Variants in POU2F1 observed in about 807,000 individuals in gnomAD.
POU2F1 encodes the protein POU domain, class 2, transcription factor 1.
POU2F1 carries 16 observed loss-of-function variants against 84.9 expected under a neutral mutation model. The ratio of observed to expected loss-of-function variants is 0.19; its 90% CI spans 0.13 to 0.29. The LOEUF is 0.29. POU2F1 is among the 10% of genes least tolerant of loss of function. POU2F1 has a pLI of 1.00. For missense variants in POU2F1, 738 were observed against 942.6 expected, an observed-to-expected ratio of 0.78 and a Z score of 2.84; for synonymous variants, 368 against 368.3, an observed-to-expected ratio of 1.00 and a Z score of 0.01.
chr1:167,309,615 A>G (rs1655320802), intron 1 of POU2F1, among the ~76,000 whole-genome samples: 1 of 152,170 alleles, frequency 6.6e-6, no homozygotes, highest in Non-Finnish European at 1.5e-5. Flanking sequence ...AAATTGGACA[A>G]ATTTGCTTCT....
intron 1 of POU2F1, among the ~76,000 whole-genome samples, chr1:167,265,724 A>C (rs1445943494): frequency 6.7e-6 from 1 of 149,378 alleles, no homozygotes; most frequent in Non-Finnish European, 1.5e-5. Context: ...CAATGACTGG[A>C]GACATTTTTG....
At chr1:167,309,572 AAAAG>A (rs948568191) in intron 1 of POU2F1, among the ~76,000 whole-genome samples, 3 of 152,310 alleles carry the variant, frequency 2.0e-5, no homozygotes, top group Non-Finnish European at 2.9e-5. Flanking sequence ...AATTATGAAA[AAAAG>A]TTCATTTTTT....
At position 167,220,888 on chromosome 1, in the gene POU2F1, A is replaced by G. The variant is rs1269163378; in HGVS notation, c.-10A>G. On this transcript the variant is annotated 5_prime_UTR_variant, in exon 1 of 16. Transcript: ENST00000367866. ...TTATCGACCGGGCGATTTTGGTTAA[A>G]ATATTCAAAATGGCGGACGGAGGAG... The G allele has an allele frequency of 9.1e-6, 14 of 1,534,550 alleles. No individual in the cohort carries two copies. The African/African-American group carries it at 9.6e-5, about 11-fold the overall frequency.
In POU2F1 at chr1:167,424,333, C is replaced by T. The variant is rs1650819098; in HGVS notation, c.*8523C>T. The T allele has an allele frequency of 6.6e-6, 1 of 152,258 alleles. No homozygotes were observed. Among genetic ancestry groups the T allele is most frequent in the Admixed American group, 6.5e-5 (1 of 15,290 alleles). The allele number at this position is 152,258 out of a possible 1,614,324, so 9.4% of individuals were successfully genotyped here. ...GGTCAGGTCGGGGAAAGAAAGACTT[C>T]CAGCTTCTTACCTCTGCGTGCATGG... On this transcript the variant is annotated 3_prime_UTR_variant, in exon 16 of 16. Transcript: ENST00000367866.
At chr1:167,307,977 C>G (rs1265919462) in intron 1 of POU2F1, among the ~76,000 whole-genome samples, 1 of 152,040 alleles carries the variant, frequency 6.6e-6, no homozygotes, top group Admixed American at 6.5e-5. Flanking sequence ...TGATTAGATT[C>G]AAGTCATGCC....
At position 167,341,405 on chromosome 1, in the gene POU2F1, C is replaced by T. The variant is rs576050440; in HGVS notation, c.127+8870C>T. ...TTGTAATGAATTTACAGTCAATTAA[C>T]TGTCTTTTTTTCATCTGAATTATGA... On this transcript the variant is annotated intron_variant, in intron 2 of 15. Transcript: ENST00000367866. 3.9e-5 allele frequency among the ~76,000 whole-genome samples: 6 copies of T among 152,228 alleles called. No homozygotes were observed. The East Asian group carries it at 1.2e-3, about 29-fold the overall frequency.
rs1557836583 is a variant in POU2F1 at position 167,237,766 on chromosome 1, A to AAATTTTTTTT, written c.61+16808_61+16809insAATTTTTTTT. Among the ~76,000 whole-genome samples the AAATTTTTTTT allele has an allele frequency of 3.4e-5, 2 of 58,034 alleles. 1 individual carries two copies. The highest frequency in any genetic ancestry group is 1.2e-4 in the African/African-American group (2 of 16,972). The allele number at this position is 58,034 out of a possible 152,430, so 38.1% of individuals were successfully genotyped here. A position where few individuals can be genotyped will look rare whatever the true frequency, so the allele number is the denominator to read the frequency against. ...TGTGTGTATATATATATATATATAT[A>AAATTTTTTTT]TATATATTTTTTTTTTTTTTTTTTT... On this transcript the variant is annotated intron_variant, in intron 1 of 15. Transcript: ENST00000367866.
At chr1:167,246,654 ACT>A (rs941816337) in intron 1 of POU2F1, among the ~76,000 whole-genome samples, 1 of 152,198 alleles carries the variant, frequency 6.6e-6, no homozygotes, top group Non-Finnish European at 1.5e-5. Flanking sequence ...TAAATTGGAC[ACT>A]CATATCTGTT....
chr1:167,277,222 G>GT (rs1190640753), intron 1 of POU2F1, among the ~76,000 whole-genome samples: 1 of 151,768 alleles, frequency 6.6e-6, no homozygotes, highest in Non-Finnish European at 1.5e-5. Context: ...TCTACTTTGG[G>GT]TTTTTTGTTT....
chr1:167,363,106 C>T (rs1659453808), intron 2 of POU2F1, among the ~76,000 whole-genome samples: 1 of 152,124 alleles, frequency 6.6e-6, no homozygotes, highest in Non-Finnish European at 1.5e-5. Flanking sequence ...ACCATTGTAC[C>T]AGGGATACTA....
intron 1 of POU2F1, among the ~76,000 whole-genome samples, chr1:167,224,748 T>C (rs1648492446): frequency 6.6e-6 from 1 of 152,112 alleles, no homozygotes; most frequent in Non-Finnish European, 1.5e-5. Context: ...CCACATGAGT[T>C]TATAACCTGC....
At chr1:167,392,745 A>G (rs1648517846) in intron 9 of POU2F1, among the ~76,000 whole-genome samples, 1 of 152,198 alleles carries the variant, frequency 6.6e-6, no homozygotes, top group Non-Finnish European at 1.5e-5. Flanking sequence ...TTGAGACAGC[A>G]GTGGCAATGG....
intron 2 of POU2F1, among the ~76,000 whole-genome samples, chr1:167,347,254 A>G (rs960707036): frequency 6.6e-6 from 1 of 152,190 alleles, no homozygotes; most frequent in Non-Finnish European, 1.5e-5. Context: ...TATTATTTTC[A>G]TTACACATTA....
At chr1:167,319,774 C>A (rs186929792) in intron 1 of POU2F1, among the ~76,000 whole-genome samples, 1 of 151,906 alleles carries the variant, frequency 6.6e-6, no homozygotes, top group African/African-American at 2.4e-5. Flanking sequence ...GTCTCCCAAA[C>A]GAGGGAATAT....
At chr1:167,324,984 A>G (rs1336166030) in intron 1 of POU2F1, among the ~76,000 whole-genome samples, 2 of 152,148 alleles carry the variant, frequency 1.3e-5, no homozygotes. Context: ...GCCAATACCT[A>G]TCACTTGATT....
chr1:167,399,035 T>G (rs1649010694), intron 11 of POU2F1, 151 bp from the exon 12 acceptor site: 1 of 597,056 alleles, frequency 1.7e-6, no homozygotes, highest in African/African-American at 1.8e-5. Flanking sequence ...TCATTAGAAC[T>G]TCTATCTACA....
chr1:167,415,977 A>AT lies in POU2F1; in HGVS notation c.*168dup. On this transcript the variant is annotated 3_prime_UTR_variant, in exon 16 of 16. Transcript: ENST00000367866. ...AAAAACCACACACACCCATACACAC[A>AT]TACCAGAAAAAGAAAGAAAGGATGG... The AT allele has an allele frequency of 1.4e-6, 1 of 738,980 alleles. No homozygotes were observed. The highest frequency in any genetic ancestry group is 2.3e-6 in the Non-Finnish European group (1 of 443,032). 45.8% of individuals were successfully genotyped at this position (738,980 alleles called of 1,614,324 possible).
chr1:167,301,135 A>T (rs1415983861), intron 1 of POU2F1, among the ~76,000 whole-genome samples: 1 of 152,162 alleles, frequency 6.6e-6, no homozygotes, highest in East Asian at 1.9e-4. Flanking sequence ...TAAGGAAAAG[A>T]TGCATAGTAT....
chr1:167,298,159 A>G (rs1212806709), intron 1 of POU2F1, among the ~76,000 whole-genome samples: 1 of 151,908 alleles, frequency 6.6e-6, no homozygotes, highest in Admixed American at 6.6e-5. Context: ...AACAAAAACA[A>G]ACAAATAGAG....
Sources: gnomAD v4.1 joint callset for allele counts (sites outside exome capture counted in the v4.1 genomes callset) on GRCh38, gnomAD v4.1.1 for gene constraint, MANE v1.5 for transcripts, NCBI Gene and HGNC (gene_info 2026-07-23, HGNC 2026-07-21) for gene names.